AFTPH: variants seen among roughly 807,000 people sequenced by gnomAD.
The protein encoded by AFTPH is aftiphilin, also known as aftiphilin protein.
In AFTPH, 7 loss-of-function variants were observed where a neutral mutation model predicts 72.5. That is an observed-to-expected ratio of 0.10 (90% CI 0.05 to 0.18). The LOEUF is 0.18. Among genes scored for constraint, AFTPH ranks in the 10% least tolerant of loss-of-function variants. The pLI, the probability that AFTPH is intolerant of heterozygous loss-of-function variation, is 1.00. For synonymous variants in AFTPH, 337 were observed against 370.1 expected (o/e 0.91, Z 1.03); for missense variants, 979 against 1,060.5 (o/e 0.92, Z 1.07).
At chr2:64,589,963 T>TC (rs1220570350) in intron 8 of AFTPH, among the ~76,000 whole-genome samples, 5 of 137,798 alleles carry the variant, frequency 3.6e-5, no homozygotes, top group Non-Finnish European at 7.9e-5. Context: ...GGGGGGGGTT[T>TC]CCACCAAAAA....
Position 64,528,550 on chromosome 2 carries a change from G to A in AFTPH, c.-33+3938G>A, listed in dbSNP as rs571628623. Among the ~76,000 whole-genome samples the A allele has an allele frequency of 1.2e-4, 19 of 152,322 alleles. No homozygotes were observed. In the South Asian group the frequency reaches 3.7e-3, roughly 30 times the overall value. ...AATCAGTTTTGGGGGATAGGGAGTG[G>A]TGAATTTTTTGCTTTGAGCCAGTAG... On this transcript the variant is annotated intron_variant, in intron 1 of 8. Transcript: ENST00000238856.
At chr2:64,586,455 C>A (rs1298123595) in intron 8 of AFTPH, among the ~76,000 whole-genome samples, 1 of 152,146 alleles carries the variant, frequency 6.6e-6, no homozygotes, top group Non-Finnish European at 1.5e-5. Flanking sequence ...AGAAAGACAT[C>A]CATTTAAAAA....
intron 2 of AFTPH, among the ~76,000 whole-genome samples, chr2:64,564,452 A>G (rs972559933): frequency 1.3e-5 from 2 of 152,072 alleles, no homozygotes; most frequent in African/African-American, 2.4e-5. Context: ...TCTCCAGATT[A>G]TAAATGCAGA....
intron 5 of AFTPH, among the ~76,000 whole-genome samples, chr2:64,572,658 A>C (rs1187632645): frequency 6.6e-6 from 1 of 152,208 alleles, no homozygotes; most frequent in Non-Finnish European, 1.5e-5. Flanking sequence ...TATTATTGTG[A>C]AATGGTTCTC....
At chr2:64,564,585 G>C (rs1671935347) in intron 2 of AFTPH, among the ~76,000 whole-genome samples, 1 of 151,664 alleles carries the variant, frequency 6.6e-6, no homozygotes, top group African/African-American at 2.4e-5. Context: ...CTGCACTCCA[G>C]CCTCGGTGAC....
chr2:64,539,387 C>G (rs1015566925), intron 1 of AFTPH, among the ~76,000 whole-genome samples: 1 of 152,114 alleles, frequency 6.6e-6, no homozygotes, highest in Non-Finnish European at 1.5e-5. Flanking sequence ...TTTTTTGCAG[C>G]TTGCATATAA....
chr2:64,578,543 C>A (rs1471684965), intron 6 of AFTPH, among the ~76,000 whole-genome samples: 2 of 146,116 alleles, frequency 1.4e-5, no homozygotes, highest in Non-Finnish European at 3.0e-5. Flanking sequence ...GAAATTTAAA[C>A]CCCTGGAATA....
At chr2:64,589,949 G>C (rs746642441) in intron 8 of AFTPH, among the ~76,000 whole-genome samples, 6,217 of 24,902 alleles carry the variant, frequency 0.25, 246 homozygotes, top group Admixed American at 0.35. Flanking sequence ...ATATATGGGG[G>C]GGGGGGGGGG....
intron 8 of AFTPH, among the ~76,000 whole-genome samples, chr2:64,591,139 C>A (rs1424890508): frequency 6.6e-6 from 1 of 152,188 alleles, no homozygotes; most frequent in Non-Finnish European, 1.5e-5. Context: ...GCTGAGTAGA[C>A]CTGGGTCACC....
At chr2:64,577,267 C>G (rs1329518353) in intron 6 of AFTPH, among the ~76,000 whole-genome samples, 1 of 152,194 alleles carries the variant, frequency 6.6e-6, no homozygotes, top group Non-Finnish European at 1.5e-5. Flanking sequence ...CATTCTCAAG[C>G]TTTCTCTGAG....
exon 2 of AFTPH, chr2:64,552,783 G>A: frequency 6.2e-7 from 1 of 1,614,184 alleles, no homozygotes; most frequent in Non-Finnish European, 8.5e-7. Context: ...TGATTTTGGT[G>A]ACTTTGGCTC....
At chr2:64,556,962 C>T (rs769468309) in intron 2 of AFTPH, among the ~76,000 whole-genome samples, 5 of 152,132 alleles carry the variant, frequency 3.3e-5, no homozygotes, top group South Asian at 2.1e-4. Flanking sequence ...CTCCATTATA[C>T]GAATGAGAAC....
intron 8 of AFTPH, among the ~76,000 whole-genome samples, chr2:64,588,226 C>T (rs925665826): frequency 3.9e-5 from 6 of 152,098 alleles, no homozygotes; most frequent in Non-Finnish European, 5.9e-5. Flanking sequence ...TTTTGTGTCT[C>T]GGTTTTGCTT....
chr2:64,537,547 T>C (rs1669964759), intron 1 of AFTPH, among the ~76,000 whole-genome samples: 1 of 152,220 alleles, frequency 6.6e-6, no homozygotes, highest in South Asian at 2.1e-4. Flanking sequence ...TAGAGAACTT[T>C]TACATTGTAG....
intron 7 of AFTPH, chr2:64,579,964 T>G (rs1165174549): frequency 6.4e-6 from 1 of 157,046 alleles, no homozygotes; most frequent in African/African-American, 2.4e-5. Context: ...AAAAACAGTG[T>G]GCATAGATCC....
At chr2:64,557,262 A>C (rs535830155) in intron 2 of AFTPH, among the ~76,000 whole-genome samples, 3 of 152,316 alleles carry the variant, frequency 2.0e-5, no homozygotes, top group African/African-American at 7.2e-5. Flanking sequence ...ATTGTTCTGG[A>C]TATCATTTAG....
intron 2 of AFTPH, among the ~76,000 whole-genome samples, chr2:64,555,555 TCACA>T (rs111905151): frequency 0.086 from 12,151 of 140,740 alleles, 559 homozygotes; most frequent in Admixed American, 0.15. Flanking sequence ...AGAGAGACTG[TCACA>T]CACACACACA....
chr2:64,576,199 C>CAT (rs1291078978), intron 6 of AFTPH, among the ~76,000 whole-genome samples: 196 of 143,600 alleles, frequency 1.4e-3, no homozygotes, highest in Middle Eastern at 3.7e-3. Flanking sequence ...ATATATATAA[C>CAT]ATATATATAT....
At chr2:64,567,371 A>G (rs921906417) in intron 2 of AFTPH, among the ~76,000 whole-genome samples, 191 bp from the exon 3 acceptor site, 2 of 152,214 alleles carry the variant, frequency 1.3e-5, no homozygotes, top group African/African-American at 4.8e-5. Context: ...GCTCATCATC[A>G]TCATTTAAAT....
Sources: gnomAD v4.1 joint callset for allele counts (sites outside exome capture counted in the v4.1 genomes callset) on GRCh38, gnomAD v4.1.1 for gene constraint, MANE v1.5 for transcripts, NCBI Gene and HGNC (gene_info 2026-07-23, HGNC 2026-07-21) for gene names.